The following DNAJC24 variants were observed in gnomAD, a reference collection of about 807,000 sequenced individuals.
The protein encoded by DNAJC24 is DnaJ heat shock protein family (Hsp40) member C24, also known as dnaJ homolog subfamily C member 24.
DNAJC24 carries 17 observed loss-of-function variants against 18.0 expected under a neutral mutation model. The ratio of observed to expected loss-of-function variants is 0.94; its 90% CI spans 0.65 to 1.42. The LOEUF (loss-of-function observed/expected upper bound fraction) is 1.42. Among genes scored for constraint, DNAJC24 ranks in the 40% most tolerant of loss-of-function variants. The pLI is 0.00. For synonymous variants in DNAJC24, 55 were observed against 57.7 expected (o/e 0.95, Z 0.21); for missense variants, 158 against 175.6 (o/e 0.90, Z 0.57).
At chr11:31,383,707 C>T (rs1952400962) in intron 2 of DNAJC24, among the ~76,000 whole-genome samples, 1 of 152,162 alleles carries the variant, frequency 6.6e-6, no homozygotes, top group Non-Finnish European at 1.5e-5. Context: ...AAAGAAATGC[C>T]CCCCGGATTG....
At chr11:31,403,142 TG>T in intron 2 of DNAJC24, among the ~76,000 whole-genome samples, 1 of 151,924 alleles carries the variant, frequency 6.6e-6, no homozygotes, top group Non-Finnish European at 1.5e-5. Flanking sequence ...TGTGTGTGTG[TG>T]TGTGTGTGTG....
At chr11:31,382,945 T>C (rs780203141) in intron 2 of DNAJC24, among the ~76,000 whole-genome samples, 2 of 152,174 alleles carry the variant, frequency 1.3e-5, no homozygotes, top group Non-Finnish European at 2.9e-5. Flanking sequence ...TTGTTCTCAA[T>C]TGATTTGCTG....
intron 2 of DNAJC24, among the ~76,000 whole-genome samples, chr11:31,379,469 G>A (rs781722811): frequency 2.6e-5 from 4 of 152,146 alleles, no homozygotes; most frequent in African/African-American, 4.8e-5. Context: ...GTTGGGGACC[G>A]CTGCTCTCGC....
intron 2 of DNAJC24, among the ~76,000 whole-genome samples, chr11:31,400,082 G>A (rs1014598484): frequency 4.6e-5 from 7 of 152,100 alleles, no homozygotes; most frequent in African/African-American, 1.2e-4. Flanking sequence ...CCCTGCAAAG[G>A]ACATGATCTC....
chr11:31,429,161 C>A, intron 4 of DNAJC24, among the ~76,000 whole-genome samples: 1 of 150,064 alleles, frequency 6.7e-6, no homozygotes, highest in Admixed American at 6.6e-5. Context: ...GTATGGAGAG[C>A]AAAGGCATTG....
chr11:31,416,591 T>C (rs1444645184), intron 3 of DNAJC24: 1 of 152,134 alleles, frequency 6.6e-6, no homozygotes, highest in African/African-American at 2.4e-5. Flanking sequence ...GTATATACTT[T>C]CAATGTTGCT....
intron 2 of DNAJC24, chr11:31,408,393 G>A (rs1263924008): frequency 2.9e-6 from 1 of 347,446 alleles, no homozygotes; most frequent in African/African-American, 2.1e-5. Flanking sequence ...GCAGTTCTGA[G>A]GACCACATTT....
At position 31,405,336 on chromosome 11, in the gene DNAJC24, C is replaced by G. The variant is rs1952646762; in HGVS notation, c.112-9475C>G. 2.0e-5 allele frequency among the ~76,000 whole-genome samples: 3 copies of G among 151,070 alleles called. No individual in the cohort carries two copies. In the South Asian group the frequency reaches 6.3e-4, roughly 32 times the overall value. ...CTGCCCGCCTTGGCCTCCCAAAGTGCTGGGATTACAGGCATGAGCCACCGC... is the reference window on the plus strand; with the variant it reads ...CTGCCCGCCTTGGCCTCCCAAAGTGGTGGGATTACAGGCATGAGCCACCGC... On this transcript the variant is annotated intron_variant, in intron 2 of 4. Coordinates refer to ENST00000465995, the MANE Select transcript of DNAJC24 (RefSeq NM_181706.5).
chr11:31,421,405 TAAAC>T (rs1220626627), intron 3 of DNAJC24, among the ~76,000 whole-genome samples: 3 of 152,174 alleles, frequency 2.0e-5, no homozygotes, highest in Non-Finnish European at 4.4e-5. Flanking sequence ...TGAAATGACA[TAAAC>T]AAACACAGTG....
chr11:31,414,373 A>G (rs531297850), intron 2 of DNAJC24, among the ~76,000 whole-genome samples: 1 of 152,314 alleles, frequency 6.6e-6, no homozygotes, highest in East Asian at 1.9e-4. Context: ...ATAATTTCAT[A>G]AGGAAGACCT....
chr11:31,413,988 TAGG>T (rs1490437083), intron 2 of DNAJC24, among the ~76,000 whole-genome samples: 1 of 152,078 alleles, frequency 6.6e-6, no homozygotes, highest in Non-Finnish European at 1.5e-5. Flanking sequence ...AGGAAGGAGA[TAGG>T]AGAACTGATA....
At chr11:31,392,967 A>G (rs557641061) in intron 2 of DNAJC24, among the ~76,000 whole-genome samples, 36 of 152,226 alleles carry the variant, frequency 2.4e-4, no homozygotes, top group Non-Finnish European at 4.6e-4. Context: ...TTCTTTCACA[A>G]TGTGAGGACA....
Position 31,432,281 on chromosome 11 carries a change from A to G in DNAJC24, c.*1880A>G. The G allele has an allele frequency of 2.1e-6, 1 of 477,646 alleles. No individual in the cohort carries two copies. 29.6% of individuals were successfully genotyped at this position (477,646 alleles called of 1,614,324 possible). On this transcript the variant is annotated 3_prime_UTR_variant, in exon 5 of 5. Transcript: ENST00000465995. Reference sequence around the variant, plus strand: ...GTTCCCCCTCCCACAATATTTTTGTATCATAAAATTTAGATGACTTTTTTG... The same window carrying G: ...GTTCCCCCTCCCACAATATTTTTGTGTCATAAAATTTAGATGACTTTTTTG...
At chr11:31,419,338 A>G (rs1044361427) in intron 3 of DNAJC24, among the ~76,000 whole-genome samples, 4 of 152,008 alleles carry the variant, frequency 2.6e-5, no homozygotes, top group African/African-American at 9.7e-5. Flanking sequence ...CCATCTTGAC[A>G]GTTGGGGACT....
At chr11:31,397,665 G>A (rs537946106) in intron 2 of DNAJC24, among the ~76,000 whole-genome samples, 1 of 152,184 alleles carries the variant, frequency 6.6e-6, no homozygotes, top group South Asian at 2.1e-4. Flanking sequence ...TCTCTTGCCT[G>A]TCTAAACTAT....
chr11:31,413,575 G>A (rs527375560), intron 2 of DNAJC24, among the ~76,000 whole-genome samples: 6 of 151,974 alleles, frequency 3.9e-5, no homozygotes, highest in Admixed American at 6.6e-5. Flanking sequence ...CTTGTGATCC[G>A]CCCGCCTTGG....
At chr11:31,391,888 A>G (rs143761586) in intron 2 of DNAJC24, among the ~76,000 whole-genome samples, 128 of 152,332 alleles carry the variant, frequency 8.4e-4, no homozygotes, top group African/African-American at 3.0e-3. Flanking sequence ...TAAAAAATGT[A>G]TATATACACA....
intron 2 of DNAJC24, among the ~76,000 whole-genome samples, chr11:31,382,486 A>G (rs536231972): frequency 2.6e-5 from 4 of 152,360 alleles, no homozygotes; most frequent in African/African-American, 9.6e-5. Flanking sequence ...ATAAAAATAC[A>G]GAATAATGAC....
intron 2 of DNAJC24, among the ~76,000 whole-genome samples, chr11:31,394,093 C>A (rs946542755): frequency 6.6e-6 from 1 of 152,166 alleles, no homozygotes; most frequent in African/African-American, 2.4e-5. Flanking sequence ...GTGACACTTA[C>A]CTAAGCATAT....
Sources: allele counts gnomAD v4.1 joint callset (sites outside exome capture counted in the v4.1 genomes callset), GRCh38; gene constraint gnomAD v4.1.1; transcripts MANE v1.5; gene names NCBI Gene and HGNC (gene_info 2026-07-23, HGNC 2026-07-21).